The following GRAMD4 variants were observed in gnomAD, a reference collection of about 807,000 sequenced individuals.
GRAMD4 encodes GRAM domain containing 4.
GRAMD4 carries 25 observed loss-of-function variants against 83.9 expected under a neutral mutation model. The observed-to-expected ratio is 0.30, with a 90% CI of 0.22 to 0.42. The LOEUF is 0.42. GRAMD4 is among the 10% of genes least tolerant of loss of function. GRAMD4 has a pLI of 1.00. For synonymous variants in GRAMD4, 336 were observed against 320.9 expected (o/e 1.05, Z -0.50); for missense variants, 593 against 788.7 (o/e 0.75, Z 2.97).
rs114361319 is a variant in GRAMD4 at position 46,630,694 on chromosome 22, G to A, written c.162+3733G>A. Among the ~76,000 whole-genome samples, 1,420 of 152,334 alleles carry A rather than the reference G, an allele frequency of 9.3e-3. 22 individuals are homozygous for A. The highest frequency in any genetic ancestry group is 0.03 in the African/African-American group (1,255 of 41,564). On this transcript the variant is annotated intron_variant, in intron 2 of 18. Transcript: ENST00000406902. Reference sequence around the variant, plus strand: ...CTCAGGATCTCACCCTGGGATGTTCGTCACTTCAGCTAATCTGTCCCCACT... The same window carrying A: ...CTCAGGATCTCACCCTGGGATGTTCATCACTTCAGCTAATCTGTCCCCACT...
chr22:46,580,924 G>A (rs1214613409), intron 1 of GRAMD4, among the ~76,000 whole-genome samples: 2 of 141,224 alleles, frequency 1.4e-5, no homozygotes, highest in South Asian at 2.3e-4. Context: ...CTGAGATCGC[G>A]CCATTGCACT....
chr22:46,581,309 A>G (rs1260041125), intron 1 of GRAMD4, among the ~76,000 whole-genome samples: 1 of 152,262 alleles, frequency 6.6e-6, no homozygotes, highest in Non-Finnish European at 1.5e-5. Flanking sequence ...AGTGTTTCAC[A>G]CGAATTGTCT....
intron 1 of GRAMD4, among the ~76,000 whole-genome samples, chr22:46,589,488 G>A (rs1267073268): frequency 1.3e-5 from 2 of 151,922 alleles, no homozygotes; most frequent in Non-Finnish European, 2.9e-5. Flanking sequence ...GCTGCCCAGG[G>A]AGAAGGTGAG....
Position 46,677,418 on chromosome 22 carries a change from GA to G in GRAMD4, c.*169del. 2 of 1,374,312 alleles carry G rather than the reference GA, an allele frequency of 1.5e-6. No homozygotes were observed. Among genetic ancestry groups the G allele is most frequent in the Non-Finnish European group, 1.9e-6 (2 of 1,064,154 alleles). The allele number at this position is 1,374,312 out of a possible 1,614,324, so 85.1% of individuals were successfully genotyped here. On this transcript the variant is annotated 3_prime_UTR_variant, in exon 19 of 19. Coordinates refer to ENST00000406902, the MANE Select transcript of GRAMD4 (RefSeq NM_015124.5). ...TTGACCTCTGCGTTTTATCGACCAA[GA>G]AGGGGCCAGGGCTCACAGGGACGGG...
chr22:46,602,461 G>A (rs574006934), intron 1 of GRAMD4, among the ~76,000 whole-genome samples: 133 of 152,154 alleles, frequency 8.7e-4, no homozygotes, highest in Admixed American at 2.9e-3. Context: ...CCAGGAGTTC[G>A]GGACCAGCCT....
intron 1 of GRAMD4, among the ~76,000 whole-genome samples, chr22:46,597,591 A>ACG (rs1569251272): frequency 6.6e-6 from 1 of 151,090 alleles, no homozygotes; most frequent in Non-Finnish European, 1.5e-5. Flanking sequence ...CTGGGTTCAC[A>ACG]CCATTCTCCC....
Position 46,679,444 on chromosome 22 carries a change from T to A in GRAMD4, c.*2193T>A. 1.0e-6 allele frequency: 1 copy of A among 985,492 alleles called. No homozygotes were observed. The highest frequency in any genetic ancestry group is 4.7e-5 in the South Asian group (1 of 21,282). The allele number at this position is 985,492 out of a possible 1,614,324, so 61.0% of individuals were successfully genotyped here. A position where few individuals can be genotyped will look rare whatever the true frequency, so the allele number is the denominator to read the frequency against. On this transcript the variant is annotated 3_prime_UTR_variant, in exon 19 of 19. Transcript: ENST00000406902. ...AGCACAGGCCCCTCCCTGGAAGTCC[T>A]CGGGAGCGGAGCGCGGATCGGCACG...
upstream of GRAMD4, among the ~76,000 whole-genome samples, chr22:46,615,474 C>T: frequency 7.6e-6 from 1 of 132,048 alleles, no homozygotes; most frequent in South Asian, 2.6e-4. Context: ...TAGGTTCCCC[C>T]TTGTGTAGGT....
At chr22:46,646,588 C>T (rs1555968816) in intron 3 of GRAMD4, among the ~76,000 whole-genome samples, 1 of 152,138 alleles carries the variant, frequency 6.6e-6, no homozygotes, top group East Asian at 1.9e-4. Context: ...TCCCTGCTGG[C>T]GGGGGTGTCC....
In GRAMD4 at chr22:46,678,876, C is replaced by A. The variant is rs2082637258; in HGVS notation, c.*1625C>A. 1.0e-6 allele frequency: 1 copy of A among 985,836 alleles called. No individual in the cohort carries two copies. Among genetic ancestry groups the A allele is most frequent in the Middle Eastern group, 5.2e-4 (1 of 1,938 alleles). The allele number at this position is 985,836 out of a possible 1,614,324, so 61.1% of individuals were successfully genotyped here. A position where few individuals can be genotyped will look rare whatever the true frequency, so the allele number is the denominator to read the frequency against. ...CACCAGATTAAGCACATGTCCTATC[C>A]CAGGCGGTGGAGCGGAGCCCCCGTG... On this transcript the variant is annotated 3_prime_UTR_variant, in exon 19 of 19. Transcript: ENST00000406902.
chr22:46,593,745 A>T (rs1040504264), intron 1 of GRAMD4, among the ~76,000 whole-genome samples: 1 of 151,678 alleles, frequency 6.6e-6, no homozygotes, highest in Admixed American at 6.6e-5. Context: ...TTTTTTTGAG[A>T]TGGAGTCTTG....
At chr22:46,597,920 C>T (rs16995472) in intron 1 of GRAMD4, among the ~76,000 whole-genome samples, 13,127 of 152,140 alleles carry the variant, frequency 0.086, 706 homozygotes, top group East Asian at 0.27. Flanking sequence ...TAGAACTTGC[C>T]TTTAGAGCAC....
chr22:46,614,744 A>G (rs1265585531), intron 1 of GRAMD4, among the ~76,000 whole-genome samples: 4 of 152,048 alleles, frequency 2.6e-5, no homozygotes, highest in Non-Finnish European at 5.9e-5. Context: ...AACATAGGAC[A>G]TGTGCCTGTG....
At chr22:46,612,628 T>C (rs1274438297) in intron 1 of GRAMD4, among the ~76,000 whole-genome samples, 1 of 152,228 alleles carries the variant, frequency 6.6e-6, no homozygotes, top group African/African-American at 2.4e-5. Context: ...ACACGCGTGC[T>C]CAGGTGCCCC....
At chr22:46,671,162 C>T (rs534351735) in intron 13 of GRAMD4, 4 of 454,436 alleles carry the variant, frequency 8.8e-6, no homozygotes, top group South Asian at 1.6e-5. Flanking sequence ...GGGTCGGCCA[C>T]CACGTGGAGG....
chr22:46,633,024 T>C (rs1462305417), intron 2 of GRAMD4, among the ~76,000 whole-genome samples: 1 of 152,168 alleles, frequency 6.6e-6, no homozygotes, highest in Non-Finnish European at 1.5e-5. Context: ...AGCATACTTA[T>C]TTGTAGGGCT....
chr22:46,682,314 C>A, downstream of GRAMD4: 1 of 516,628 alleles, frequency 1.9e-6, no homozygotes, highest in Non-Finnish European at 2.5e-6. Flanking sequence ...GCATCGCAAG[C>A]TAGGGGAAAT....
intron 10 of GRAMD4, 30 bp downstream of exon 10, chr22:46,666,903 C>T: frequency 6.7e-7 from 1 of 1,496,020 alleles, no homozygotes. Context: ...ACGGTCTCCT[C>T]CGACTGTCTC....
Position 46,679,279 on chromosome 22 carries a change from C to T in GRAMD4, c.*2028C>T, listed in dbSNP as rs1433200181. 28 of 985,346 alleles carry T rather than the reference C, an allele frequency of 2.8e-5. No individual in the cohort carries two copies. The highest frequency in any genetic ancestry group is 6.1e-5 in the Admixed American group (1 of 16,268). 61.0% of individuals were successfully genotyped at this position (985,346 alleles called of 1,614,324 possible). A position where few individuals can be genotyped will look rare whatever the true frequency, so the allele number is the denominator to read the frequency against. On this transcript the variant is annotated 3_prime_UTR_variant, in exon 19 of 19. Coordinates refer to ENST00000406902, the MANE Select transcript of GRAMD4 (RefSeq NM_015124.5). Reference sequence around the variant, plus strand: ...GGGGCAGATGGGGCTTTACCAGCGTCGGGTGGTTTAGTTCGAGTCCCTTTT... The same window carrying T: ...GGGGCAGATGGGGCTTTACCAGCGTTGGGTGGTTTAGTTCGAGTCCCTTTT...
Sources: gnomAD v4.1 joint callset for allele counts (sites outside exome capture counted in the v4.1 genomes callset) on GRCh38, gnomAD v4.1.1 for gene constraint, MANE v1.5 for transcripts, NCBI Gene and HGNC (gene_info 2026-07-23, HGNC 2026-07-21) for gene names.